MUCL1: variants seen among roughly 807,000 people sequenced by gnomAD.
The protein encoded by MUCL1 is mucin-like protein 1.
A neutral mutation model predicts 9.2 loss-of-function variants in MUCL1; 11 were observed. The observed-to-expected ratio is 1.19, with a 90% CI of 0.75 to 1.97. The LOEUF (loss-of-function observed/expected upper bound fraction) is 1.97, where lower values mean the gene tolerates loss of function less well. MUCL1 is among the 30% of genes most tolerant of loss of function. MUCL1 has a pLI of 0.00. For synonymous variants in MUCL1, 48 were observed against 40.5 expected, an observed-to-expected ratio of 1.19 and a Z score of -0.71; for missense variants, 144 against 110.9, an observed-to-expected ratio of 1.30 and a Z score of -1.34.
chr12:54,845,912 A>C (rs1345240690), intron 1 of MUCL1, among the ~76,000 whole-genome samples: 1 of 152,214 alleles, frequency 6.6e-6, no homozygotes, highest in African/African-American at 2.4e-5. Flanking sequence ...TTCCTTATAA[A>C]ACTGTTTTTC....
chr12:54,855,024 T>C, intron 1 of MUCL1, 92 bp from the exon 2 acceptor site: 1 of 1,091,158 alleles, frequency 9.2e-7, no homozygotes, highest in South Asian at 1.3e-5. Context: ...TCTTCCATTG[T>C]AAAGTCTGGA....
At chr12:54,836,985 G>A (rs1959193837), upstream of MUCL1, among the ~76,000 whole-genome samples, 1 of 152,052 alleles carries the variant, frequency 6.6e-6, no homozygotes, top group African/African-American at 2.4e-5. Context: ...ATATTGACTT[G>A]TTTTATCTCT....
chr12:54,834,525 T>A (rs1221437132), upstream of MUCL1, among the ~76,000 whole-genome samples: 1 of 152,046 alleles, frequency 6.6e-6, no homozygotes, highest in Non-Finnish European at 1.5e-5. Flanking sequence ...AACAATGTAA[T>A]GTTTTGATAT....
chr12:54,838,823 T>C, upstream of MUCL1, among the ~76,000 whole-genome samples: 1 of 152,070 alleles, frequency 6.6e-6, no homozygotes, highest in East Asian at 1.9e-4. Context: ...TTCATTATTA[T>C]CCTGAATTGT....
intron 2 of MUCL1, among the ~76,000 whole-genome samples, chr12:54,856,408 C>T (rs550946369): frequency 1.1e-4 from 17 of 152,284 alleles, no homozygotes; most frequent in South Asian, 6.2e-4. Context: ...TTCTGTGGGA[C>T]GGCTTCAGAA....
intron 1 of MUCL1, among the ~76,000 whole-genome samples, chr12:54,831,490 G>T (rs1392585784): frequency 6.6e-6 from 1 of 152,000 alleles, no homozygotes; most frequent in Non-Finnish European, 1.5e-5. Context: ...AGTCATATAA[G>T]GTTAAAATAG....
At position 54,858,344 on chromosome 12, in the gene MUCL1, A is replaced by G; in HGVS notation, c.*102A>G. 1 of 1,357,974 alleles carries G rather than the reference A, an allele frequency of 7.4e-7. No individual in the cohort carries two copies. The highest frequency in any genetic ancestry group is 1.0e-6 in the Non-Finnish European group (1 of 955,688). The allele number at this position is 1,357,974 out of a possible 1,614,324, so 84.1% of individuals were successfully genotyped here. A position where few individuals can be genotyped will look rare whatever the true frequency, so the allele number is the denominator to read the frequency against. ...TGCCTACGATATCCCCTTTATCTCTAATCAGTTTATTTTCTTTCAAATAAA... is the reference window on the plus strand; with the variant it reads ...TGCCTACGATATCCCCTTTATCTCTGATCAGTTTATTTTCTTTCAAATAAA... On this transcript the variant is annotated 3_prime_UTR_variant, in exon 4 of 4. Coordinates refer to ENST00000308796, the MANE Select transcript of MUCL1 (RefSeq NM_058173.3).
At chr12:54,842,917 T>C (rs79192192) in intron 1 of MUCL1, among the ~76,000 whole-genome samples, 4,672 of 152,264 alleles carry the variant, frequency 0.031, 250 homozygotes, top group African/African-American at 0.11. Flanking sequence ...AAGATTATAA[T>C]ACCATGTTTT....
At chr12:54,838,071 A>G (rs1397206681), upstream of MUCL1, among the ~76,000 whole-genome samples, 1 of 152,170 alleles carries the variant, frequency 6.6e-6, no homozygotes, top group African/African-American at 2.4e-5. Context: ...GTGCATATCC[A>G]TCTTTTGTTT....
At chr12:54,843,682 A>G (rs1424996548) in intron 1 of MUCL1, among the ~76,000 whole-genome samples, 1 of 152,180 alleles carries the variant, frequency 6.6e-6, no homozygotes, top group Non-Finnish European at 1.5e-5. Flanking sequence ...GCTGCCTCTG[A>G]GCTTAGAAAG....
intron 1 of MUCL1, chr12:54,830,983 TG>T (rs1959184564): frequency 6.6e-6 from 1 of 152,202 alleles, no homozygotes; most frequent in Admixed American, 6.6e-5. Context: ...CTACAAATGT[TG>T]GTGAACAGAT....
chr12:54,837,556 G>A (rs1959195097), upstream of MUCL1, among the ~76,000 whole-genome samples: 1 of 152,048 alleles, frequency 6.6e-6, no homozygotes, highest in Non-Finnish European at 1.5e-5. Flanking sequence ...ACAAGGTCAG[G>A]AGATTGAGAC....
chr12:54,840,821 C>T (rs966886018), intron 1 of MUCL1, among the ~76,000 whole-genome samples: 1 of 152,042 alleles, frequency 6.6e-6, no homozygotes, highest in Non-Finnish European at 1.5e-5. Context: ...GGCAGTAAAC[C>T]CCACCCAGCT....
chr12:54,851,849 A>C (rs908451572), upstream of MUCL1, among the ~76,000 whole-genome samples: 1 of 152,192 alleles, frequency 6.6e-6, no homozygotes, highest in Non-Finnish European at 1.5e-5. Context: ...AATCACAAGC[A>C]TTCTTATACA....
At chr12:54,851,549 A>G (rs1959340321), upstream of MUCL1, among the ~76,000 whole-genome samples, 1 of 152,206 alleles carries the variant, frequency 6.6e-6, no homozygotes, top group Non-Finnish European at 1.5e-5. Flanking sequence ...CACAGCCAAT[A>G]TCATACTGAA....
At chr12:54,832,415 CCT>C (rs1040501834) in intron 1 of MUCL1, among the ~76,000 whole-genome samples, 1 of 151,994 alleles carries the variant, frequency 6.6e-6, no homozygotes, top group African/African-American at 2.4e-5. Context: ...TGAATAATTT[CCT>C]CTGTTTTATG....
At chr12:54,845,190 G>T (rs953695718) in intron 1 of MUCL1, among the ~76,000 whole-genome samples, 2 of 95,000 alleles carry the variant, frequency 2.1e-5, no homozygotes, top group Non-Finnish European at 4.3e-5. Flanking sequence ...TAACACAATG[G>T]AGATGGTTCA....
chr12:54,839,334 C>T, upstream of MUCL1: 1 of 699,806 alleles, frequency 1.4e-6, no homozygotes, highest in East Asian at 2.7e-5. Flanking sequence ...GTGGCACACA[C>T]TTATTTATTT....
At chr12:54,843,280 A>G (rs892863031) in intron 1 of MUCL1, among the ~76,000 whole-genome samples, 45 of 152,160 alleles carry the variant, frequency 3.0e-4, no homozygotes, top group African/African-American at 1.0e-3. Flanking sequence ...TTAAGACAAT[A>G]CTTTTCTATT....
Sources: allele counts gnomAD v4.1 joint callset (sites outside exome capture counted in the v4.1 genomes callset), GRCh38; gene constraint gnomAD v4.1.1; transcripts MANE v1.5; gene names NCBI Gene and HGNC (gene_info 2026-07-23, HGNC 2026-07-21).